Variants in DACH1 observed in about 807,000 individuals in gnomAD.
DACH1 encodes the protein dachshund homolog 1.
A neutral mutation model predicts 54.2 loss-of-function variants in DACH1; 12 were observed. The ratio of observed to expected loss-of-function variants is 0.22; its 90% confidence interval spans 0.14 to 0.36. The LOEUF is 0.36. DACH1 is among the 10% of genes least tolerant of loss of function. DACH1 has a pLI of 1.00. For missense variants in DACH1, 805 were observed against 929.8 expected (o/e 0.87, Z 1.75); for synonymous variants, 386 against 366.2 (o/e 1.05, Z -0.62).
rs550151875 is a variant in DACH1 at position 71,708,900 on chromosome 13, T to C, written c.849-26990A>G. On this transcript the variant is annotated intron_variant, in intron 1 of 10. Transcript: ENST00000613252. ...CGGAGTCTCGCTCTGTCGCCCAAGCTGGAGTGCAGTGGCGCGATCTCGGCT... is the reference window on the plus strand; with the variant it reads ...CGGAGTCTCGCTCTGTCGCCCAAGCCGGAGTGCAGTGGCGCGATCTCGGCT... Among the ~76,000 whole-genome samples the C allele has an allele frequency of 5.6e-5, 8 of 143,376 alleles. No individual in the cohort carries two copies. In the East Asian group the frequency reaches 1.6e-3, roughly 30 times the overall value. 94.1% of individuals were successfully genotyped at this position (143,376 alleles called of 152,430 possible).
intron 1 of DACH1, among the ~76,000 whole-genome samples, chr13:71,731,500 G>T (rs1012419032): frequency 2.6e-5 from 4 of 151,958 alleles, no homozygotes; most frequent in African/African-American, 9.7e-5. Context: ...AGCCAGGATG[G>T]TCTCGATCTC....
At chr13:71,473,982 A>G (rs1212581887) in intron 10 of DACH1, among the ~76,000 whole-genome samples, 1 of 152,212 alleles carries the variant, frequency 6.6e-6, no homozygotes, top group Non-Finnish European at 1.5e-5. Flanking sequence ...ACATACAAAC[A>G]CATACACAAT....
intron 1 of DACH1, among the ~76,000 whole-genome samples, chr13:71,748,729 A>C (rs563044930): frequency 2.9e-4 from 44 of 152,192 alleles, no homozygotes; most frequent in Non-Finnish European, 5.0e-4. Flanking sequence ...TAATGTAAGG[A>C]TTTCAAAAAC....
chr13:71,800,524 G>A (rs1887249387), intron 1 of DACH1, among the ~76,000 whole-genome samples: 1 of 151,990 alleles, frequency 6.6e-6, no homozygotes, highest in Non-Finnish European at 1.5e-5. Flanking sequence ...TTTTACAACA[G>A]ACACTTTCTC....
chr13:71,630,080 A>T (rs1876972704), intron 3 of DACH1, among the ~76,000 whole-genome samples: 1 of 152,202 alleles, frequency 6.6e-6, no homozygotes, highest in South Asian at 2.1e-4. Context: ...ATCTATAGAA[A>T]GAATTAATCA....
intron 3 of DACH1, among the ~76,000 whole-genome samples, chr13:71,609,132 T>C (rs1435346940): frequency 1.3e-5 from 2 of 152,128 alleles, no homozygotes; most frequent in Non-Finnish European, 2.9e-5. Flanking sequence ...AAATTTATTC[T>C]AAACCACCAA....
chr13:71,812,260 T>C (rs898040201), intron 1 of DACH1, among the ~76,000 whole-genome samples: 1 of 152,226 alleles, frequency 6.6e-6, no homozygotes, highest in African/African-American at 2.4e-5. Flanking sequence ...CCTTGGTGTC[T>C]ACTTGTCTCC....
chr13:71,484,602 A>G (rs1406002113), intron 7 of DACH1, among the ~76,000 whole-genome samples: 2 of 151,786 alleles, frequency 1.3e-5, no homozygotes, highest in Middle Eastern at 3.4e-3. Context: ...TGCTAACCTC[A>G]CTCCTAACTA....
chr13:71,768,315 C>T (rs754642768), intron 1 of DACH1, among the ~76,000 whole-genome samples: 40 of 151,972 alleles, frequency 2.6e-4, no homozygotes, highest in South Asian at 6.2e-4. Flanking sequence ...AAAAAGATGT[C>T]GATTTCTCTA....
intron 4 of DACH1, among the ~76,000 whole-genome samples, chr13:71,568,046 C>T (rs981615875): frequency 1.3e-5 from 2 of 151,748 alleles, no homozygotes; most frequent in Admixed American, 6.6e-5. Flanking sequence ...TTTACTCAGT[C>T]GTTTAACGTA....
chr13:71,569,847 A>G (rs1265595959), intron 4 of DACH1, among the ~76,000 whole-genome samples: 1 of 152,110 alleles, frequency 6.6e-6, no homozygotes. Context: ...TTCTGTTTAA[A>G]GACTATTTCT....
chr13:71,607,519 A>C (rs1874963618), intron 3 of DACH1, among the ~76,000 whole-genome samples: 1 of 152,044 alleles, frequency 6.6e-6, no homozygotes, highest in Non-Finnish European at 1.5e-5. Context: ...ATGACTTTCA[A>C]AGCCAAGTGT....
intron 1 of DACH1, among the ~76,000 whole-genome samples, chr13:71,788,271 A>G (rs954563770): frequency 2.0e-5 from 3 of 152,130 alleles, no homozygotes; most frequent in Admixed American, 2.0e-4. Flanking sequence ...AATCTATGAA[A>G]CAAAGAGGTG....
At chr13:71,579,824 G>T (rs1885752083) in intron 3 of DACH1, among the ~76,000 whole-genome samples, 1 of 152,090 alleles carries the variant, frequency 6.6e-6, no homozygotes, top group Non-Finnish European at 1.5e-5. Flanking sequence ...GAAAACACTG[G>T]TTTTTTGATG....
rs566238965 is a variant in DACH1, at chr13:71,440,338, A to T, written c.*317T>A. 1 of 221,544 alleles carries T rather than the reference A, an allele frequency of 4.5e-6. No homozygotes were observed. Among genetic ancestry groups the T allele is most frequent in the Non-Finnish European group, 8.7e-6 (1 of 114,396 alleles). The allele number at this position is 221,544 out of a possible 1,614,324, so 13.7% of individuals were successfully genotyped here. ...AAATGGTTCATTCCATTAGAAAAAA[A>T]CAAAGCTAGGTCTTATTCAGACCTG... On this transcript the variant is annotated 3_prime_UTR_variant, in exon 11 of 11. Transcript: ENST00000613252.
At chr13:71,695,703 C>T (rs911359065) in intron 1 of DACH1, among the ~76,000 whole-genome samples, 2 of 152,182 alleles carry the variant, frequency 1.3e-5, no homozygotes, top group Non-Finnish European at 2.9e-5. Context: ...CACTATGTTT[C>T]TTATGCTACT....
intron 7 of DACH1, among the ~76,000 whole-genome samples, chr13:71,481,526 C>G (rs1878028716): frequency 6.6e-6 from 1 of 152,100 alleles, no homozygotes; most frequent in South Asian, 2.1e-4. Flanking sequence ...TAATACATTA[C>G]CTATTCCTGC....
chr13:71,684,623 C>T (rs1046181763), intron 1 of DACH1, among the ~76,000 whole-genome samples: 7 of 152,118 alleles, frequency 4.6e-5, no homozygotes, highest in East Asian at 1.9e-4. Flanking sequence ...CTGTGCTCTA[C>T]GATAGAGCAT....
At chr13:71,562,497 T>A (rs1212283227) in intron 4 of DACH1, among the ~76,000 whole-genome samples, 1 of 152,096 alleles carries the variant, frequency 6.6e-6, no homozygotes, top group African/African-American at 2.4e-5. Flanking sequence ...TTATAACATG[T>A]ATGCATTTGT....
Sources: gnomAD v4.1 joint callset for allele counts (sites outside exome capture counted in the v4.1 genomes callset) on GRCh38, gnomAD v4.1.1 for gene constraint, MANE v1.5 for transcripts, NCBI Gene and HGNC (gene_info 2026-07-23, HGNC 2026-07-21) for gene names.